ASPG: variants seen among roughly 807,000 people sequenced by gnomAD.
ASPG encodes the protein 60 kDa lysophospholipase.
A neutral mutation model predicts 63.2 loss-of-function variants in ASPG; 53 were observed. The observed-to-expected ratio is 0.84, with a 90% CI of 0.67 to 1.05. ASPG has a LOEUF of 1.05. ASPG is among the 50% of genes least tolerant of loss of function. The pLI, the probability that ASPG is intolerant of heterozygous loss-of-function variation, is 0.00. For missense variants in ASPG, 741 were observed against 794.4 expected (o/e 0.93, Z 0.81); for synonymous variants, 370 against 355.0 (o/e 1.04, Z -0.48).
At chr14:104,097,828 GTATGGAGGTTCTGCGTTAGAGATGCA>G (rs2036665054) in intron 5 of ASPG, among the ~76,000 whole-genome samples, 191 bp downstream of exon 5, 1 of 143,648 alleles carries the variant, frequency 7.0e-6, no homozygotes, top group African/African-American at 2.5e-5. Context: ...TTAGAGATAC[GTATGGAGGTTCTGCGTTAGAGATGCA>G]TATGGAGGTT....
chr14:104,112,738 G>T lies in ASPG; in HGVS notation c.*194G>T. 1.5e-6 allele frequency: 2 copies of T among 1,318,524 alleles called. No individual in the cohort carries two copies. The highest frequency in any genetic ancestry group is 2.1e-6 in the Non-Finnish European group (2 of 970,164). The allele number at this position is 1,318,524 out of a possible 1,614,324, so 81.7% of individuals were successfully genotyped here. ...GGTCTGTACAGCCTGGCTCTGAGAG[G>T]CTCTGTCTGGGTCCGGGACTGTGGA... On this transcript the variant is annotated 3_prime_UTR_variant, in exon 16 of 16. Coordinates refer to ENST00000551177, the MANE Select transcript of ASPG (RefSeq NM_001080464.3).
Position 104,102,376 on chromosome 14 carries a change from C to T in ASPG, c.641-1187C>T, listed in dbSNP as rs117702401. Among the ~76,000 whole-genome samples the T allele has an allele frequency of 9.0e-3, 1,366 of 152,218 alleles. 8 individuals carry two copies. The highest frequency in any genetic ancestry group is 0.014 in the Middle Eastern group (4 of 294). On this transcript the variant is annotated intron_variant, in intron 6 of 15. Coordinates refer to ENST00000551177, the MANE Select transcript of ASPG (RefSeq NM_001080464.3). ...TGCAAGCTGCTCTAGCGGAAGCGGC[C>T]GGAGACATGTGGGTGACATCTCCCT...
At chr14:104,098,479 C>T (rs1005736186) in intron 5 of ASPG, among the ~76,000 whole-genome samples, 3 of 152,224 alleles carry the variant, frequency 2.0e-5, no homozygotes, top group Admixed American at 6.5e-5. Context: ...CAGGGGCCTC[C>T]AGCAGCTGTG....
In ASPG at chr14:104,108,436, C is replaced by T. The variant is rs903781392; in HGVS notation, c.1434-793C>T. 2.7e-4 allele frequency: 267 copies of T among 985,314 alleles called. No individual in the cohort carries two copies. In the Middle Eastern group the frequency reaches 3.6e-3, roughly 13 times the overall value. 61.0% of individuals were successfully genotyped at this position (985,314 alleles called of 1,614,324 possible). A position where few individuals can be genotyped will look rare whatever the true frequency, so the allele number is the denominator to read the frequency against. On this transcript the variant is annotated intron_variant, in intron 12 of 15. Transcript: ENST00000551177. Reference sequence around the variant, plus strand: ...GCACGCCCCCAACCGGTCTCCCAGCCTCGCTCCGCTGCCAGGCTCCCTGAG... The same window carrying T: ...GCACGCCCCCAACCGGTCTCCCAGCTTCGCTCCGCTGCCAGGCTCCCTGAG...
At chr14:104,108,749 G>A (rs887194414) in intron 12 of ASPG, 4 of 985,408 alleles carry the variant, frequency 4.1e-6, no homozygotes, top group Non-Finnish European at 2.4e-6. Context: ...AAGGGCAGTC[G>A]GCCGGATTGA....
chr14:104,108,417 C>A, intron 12 of ASPG: 1 of 985,378 alleles, frequency 1.0e-6, no homozygotes, highest in Non-Finnish European at 1.2e-6. Flanking sequence ...CACAGCACGC[C>A]CCCAACCGGT....
intron 1 of ASPG, among the ~76,000 whole-genome samples, chr14:104,087,420 G>A (rs1206671149): frequency 1.3e-5 from 2 of 152,230 alleles, no homozygotes; most frequent in African/African-American, 4.8e-5. Flanking sequence ...TGTAGGGGCT[G>A]TGGGCTGATA....
rs113288708 is a variant in ASPG at position 104,097,917 on chromosome 14, C to T, written c.513+280C>T. Among the ~76,000 whole-genome samples the T allele has an allele frequency of 2.1e-3, 241 of 117,316 alleles. 4 individuals carry two copies. The highest frequency in any genetic ancestry group is 7.0e-3 in the African/African-American group (210 of 30,108). The allele number at this position is 117,316 out of a possible 152,430, so 77.0% of individuals were successfully genotyped here. A position where few individuals can be genotyped will look rare whatever the true frequency, so the allele number is the denominator to read the frequency against. On this transcript the variant is annotated intron_variant, in intron 5 of 15. Transcript: ENST00000551177. Reference sequence around the variant, plus strand: ...TGCGTTAGAGATGCGTATGGAGGTTCTGCGTTAGAGATGCGTATGGAGGTT... The same window carrying T: ...TGCGTTAGAGATGCGTATGGAGGTTTTGCGTTAGAGATGCGTATGGAGGTT...
At chr14:104,101,479 G>A (rs1326034150) in intron 6 of ASPG, among the ~76,000 whole-genome samples, 1 of 151,946 alleles carries the variant, frequency 6.6e-6, no homozygotes, top group African/African-American at 2.4e-5. Context: ...GGGGTGGGGG[G>A]ATGCGTGGGA....
In ASPG at chr14:104,110,125, G is replaced by A. The variant is rs2037324952; in HGVS notation, c.1520+810G>A. ...AGGACGACTCCGAGGGACCCAAAAA[G>A]GAGAGTCGGAGGCAGGAGACCTGGG... is the stretch of plus-strand genomic sequence containing the variant. On this transcript the variant is annotated intron_variant, in intron 13 of 15. Transcript: ENST00000551177. The surrounding 1 kb of genome is among the most constrained non-coding windows in gnomAD (Gnocchi z 4.7). 1 of 985,416 alleles carries A rather than the reference G, an allele frequency of 1.0e-6. No homozygotes were observed. Among genetic ancestry groups the A allele is most frequent in the Non-Finnish European group, 1.2e-6 (1 of 829,926 alleles). 61.0% of individuals were successfully genotyped at this position (985,416 alleles called of 1,614,324 possible). A position where few individuals can be genotyped will look rare whatever the true frequency, so the allele number is the denominator to read the frequency against.
At position 104,111,589 on chromosome 14, in the gene ASPG, C is replaced by T. The variant is rs751509462; in HGVS notation, c.1608C>T (p.Ser536=). 2.8e-5 allele frequency: 44 copies of T among 1,550,200 alleles called. No individual in the cohort carries two copies. Among genetic ancestry groups the T allele is most frequent in the East Asian group, 7.3e-5 (3 of 40,958 alleles). ...DLGQPGYDGH[S]ALHVAEAAGN... is the part of the protein sequence containing the mutation. ...GGCAGCCGGGCTATGACGGGCACAG[C>T]GCCCTGCACGTCGTGAGTGCCCCCA... is the stretch of plus-strand genomic sequence containing the variant. The change falls in exon 14 of 16, where the codon AGC becomes AGT. Residue 536 remains serine, a synonymous_variant. Transcript: ENST00000551177.
chr14:104,086,607 C>T (rs2036227935), intron 1 of ASPG, among the ~76,000 whole-genome samples: 1 of 152,094 alleles, frequency 6.6e-6, no homozygotes, highest in African/African-American at 2.4e-5. Context: ...ACTGGAGCCT[C>T]CAGAATGCCT....
In ASPG at chr14:104,113,695, G is replaced by C. The variant is rs76193065; in HGVS notation, c.*1151G>C. On this transcript the variant is annotated 3_prime_UTR_variant, in exon 16 of 16. Coordinates refer to ENST00000551177, the MANE Select transcript of ASPG (RefSeq NM_001080464.3). ...GCCCTTGGCACCTGGGCATACCCCA[G>C]GCTCCTCAGCCTGGTTCCCAAGCCT... is the stretch of plus-strand genomic sequence containing the variant. 9,146 of 152,438 alleles carry C rather than the reference G, an allele frequency of 0.06. 360 individuals carry two copies. Among genetic ancestry groups the C allele is most frequent in the Middle Eastern group, 0.11 (34 of 296 alleles). The allele number at this position is 152,438 out of a possible 1,614,324, so 9.4% of individuals were successfully genotyped here. A position where few individuals can be genotyped will look rare whatever the true frequency, so the allele number is the denominator to read the frequency against.
chr14:104,095,634 CTG>C lies in ASPG; in HGVS notation c.409_410del (p.Val137HisfsTer18). On this transcript the variant is annotated frameshift_variant, in exon 4 of 16. Transcript: ENST00000551177. LOFTEE classifies it high-confidence loss of function. ...TTCATGCTGGAGAACCTGCAGAAGA[CTG>C]TCATCCTCACTGGGGCCCAGGTAAT... is the stretch of plus-strand genomic sequence containing the variant. 6.2e-7 allele frequency: 1 copy of C among 1,612,966 alleles called. No individual in the cohort carries two copies. The highest frequency in any genetic ancestry group is 8.5e-7 in the Non-Finnish European group (1 of 1,179,826).
At chr14:104,097,791 A>C (rs1307193209) in intron 5 of ASPG, among the ~76,000 whole-genome samples, 154 bp downstream of exon 5, 1 of 152,324 alleles carries the variant, frequency 6.6e-6, no homozygotes, top group African/African-American at 2.4e-5. Flanking sequence ...GGATATTTAC[A>C]TTAGAGGTAC....
At chr14:104,093,325 G>A (rs1596067973) in intron 2 of ASPG, 166 bp from the exon 3 acceptor site, 1 of 693,378 alleles carries the variant, frequency 1.4e-6, no homozygotes, top group East Asian at 2.7e-5. Flanking sequence ...GTGGAAGGGG[G>A]GCCGGGCCCC....
intron 1 of ASPG, among the ~76,000 whole-genome samples, chr14:104,088,432 C>A (rs1350669877): frequency 2.0e-5 from 3 of 152,212 alleles, no homozygotes; most frequent in Non-Finnish European, 4.4e-5. Context: ...CTGATAACCC[C>A]AAGCCCAAGC....
chr14:104,107,009 G>C (rs2037160870), intron 11 of ASPG, 115 bp downstream of exon 11: 1 of 1,314,228 alleles, frequency 7.6e-7, no homozygotes, highest in Non-Finnish European at 1.0e-6. Flanking sequence ...GCCCTTGTCA[G>C]CCAGACTGGG....
At chr14:104,111,814 T>G in intron 14 of ASPG, 106 bp from the exon 15 acceptor site, 3 of 1,159,606 alleles carry the variant, frequency 2.6e-6, no homozygotes, top group Non-Finnish European at 3.7e-6. Flanking sequence ...TGGGGCCCTG[T>G]GTGTGTGGGC....
Sources: allele counts gnomAD v4.1 joint callset (sites outside exome capture counted in the v4.1 genomes callset), GRCh38; gene constraint gnomAD v4.1.1; non-coding constraint Gnocchi (gnomAD v3.1); transcripts MANE v1.5; gene names NCBI Gene and HGNC (gene_info 2026-07-23, HGNC 2026-07-21).